The following AFG1L variants were observed in gnomAD, a reference collection of about 807,000 sequenced individuals.
AFG1L encodes the protein AFG1 like ATPase.
A neutral mutation model predicts 62.2 loss-of-function variants in AFG1L; 53 were observed. The observed-to-expected ratio is 0.85, with a 90% CI of 0.68 to 1.07. The LOEUF is 1.07. Among genes scored for constraint, AFG1L ranks in the 50% least tolerant of loss-of-function variants. AFG1L has a pLI of 0.00. For synonymous variants in AFG1L, 228 were observed against 210.3 expected (o/e 1.08, Z -0.73); for missense variants, 555 against 590.5 (o/e 0.94, Z 0.62).
chr6:108,323,713 C>T (rs749502662), intron 1 of AFG1L, 112 bp from the exon 2 acceptor site: 6 of 682,310 alleles, frequency 8.8e-6, no homozygotes, highest in Non-Finnish European at 1.2e-5. Context: ...AAAACTGCTC[C>T]AATAGATATA....
At chr6:108,417,819 A>G (rs1002553570) in intron 7 of AFG1L, among the ~76,000 whole-genome samples, 8 of 152,018 alleles carry the variant, frequency 5.3e-5, no homozygotes, top group Non-Finnish European at 1.0e-4. Flanking sequence ...GAACAAATAT[A>G]ATTGTTTTAT....
chr6:108,400,446 A>G (rs1582520465), intron 6 of AFG1L, among the ~76,000 whole-genome samples: 4 of 150,470 alleles, frequency 2.7e-5, no homozygotes, highest in South Asian at 2.1e-4. Context: ...AATTGAAATT[A>G]TTATATGGTT....
chr6:108,463,409 CTTT>C lies in AFG1L; in HGVS notation c.891-13443_891-13441del, dbSNP rs34658383. 2.5e-4 allele frequency among the ~76,000 whole-genome samples: 34 copies of C among 135,682 alleles called. No individual in the cohort carries two copies. In the South Asian group the frequency reaches 5.0e-3, roughly 20 times the overall value. The allele number at this position is 135,682 out of a possible 152,430, so 89.0% of individuals were successfully genotyped here. ...TTTACTCTCCAACTTCTTCTCCCTC[CTTT>C]TTTTTTTTTTTTGAAATCTTCAATC... On this transcript the variant is annotated intron_variant, in intron 8 of 12. Transcript: ENST00000368977.
At chr6:108,467,032 A>G (rs1219192756) in intron 8 of AFG1L, among the ~76,000 whole-genome samples, 1 of 152,016 alleles carries the variant, frequency 6.6e-6, no homozygotes, top group African/African-American at 2.4e-5. Flanking sequence ...ATGAGCTTAT[A>G]TGAAGCAATA....
At chr6:108,447,095 CATT>C in intron 7 of AFG1L, 116 bp from the exon 8 acceptor site, 1 of 457,094 alleles carries the variant, frequency 2.2e-6, no homozygotes, top group South Asian at 5.6e-5. Context: ...CTTGTCATCT[CATT>C]ATATTAGTTT....
intron 11 of AFG1L, among the ~76,000 whole-genome samples, chr6:108,510,893 A>T (rs1335101475): frequency 1.3e-5 from 2 of 152,146 alleles, no homozygotes; most frequent in Non-Finnish European, 2.9e-5. Flanking sequence ...CCTGGACAAC[A>T]TAGCAAAATC....
At chr6:108,348,701 T>G (rs1387359666) in intron 3 of AFG1L, among the ~76,000 whole-genome samples, 2 of 152,238 alleles carry the variant, frequency 1.3e-5, no homozygotes, top group African/African-American at 2.4e-5. Flanking sequence ...CAATTTTATG[T>G]TCCTGCACCT....
chr6:108,415,759 C>G (rs1770233589), intron 7 of AFG1L, among the ~76,000 whole-genome samples: 1 of 152,186 alleles, frequency 6.6e-6, no homozygotes, highest in Admixed American at 6.5e-5. Context: ...ACACCTTATA[C>G]AACAATTAAT....
intron 8 of AFG1L, among the ~76,000 whole-genome samples, chr6:108,463,598 G>A (rs1032304999): frequency 1.3e-5 from 2 of 151,996 alleles, no homozygotes; most frequent in African/African-American, 4.8e-5. Flanking sequence ...AGGAGGTGAA[G>A]GTCTGGAATT....
chr6:108,403,314 A>G (rs1781710906), intron 7 of AFG1L, among the ~76,000 whole-genome samples: 1 of 152,176 alleles, frequency 6.6e-6, no homozygotes, highest in African/African-American at 2.4e-5. Flanking sequence ...TTCTTACCCA[A>G]GAAGGGTTAA....
At chr6:108,512,608 A>T (rs1006749889) in intron 11 of AFG1L, among the ~76,000 whole-genome samples, 9 of 152,190 alleles carry the variant, frequency 5.9e-5, no homozygotes, top group Middle Eastern at 6.8e-3. Context: ...GAGGATGGAG[A>T]GACTCGTTAT....
intron 10 of AFG1L, among the ~76,000 whole-genome samples, chr6:108,491,044 T>A (rs1193713984): frequency 2.6e-5 from 4 of 152,234 alleles, no homozygotes; most frequent in Non-Finnish European, 5.9e-5. Flanking sequence ...TAGCATGGAT[T>A]TATTTATGTC....
chr6:108,417,266 GCACA>G lies in AFG1L; in HGVS notation c.807+15231_807+15234del, dbSNP rs149498434. Among the ~76,000 whole-genome samples, 44 of 136,326 alleles carry G rather than the reference GCACA, an allele frequency of 3.2e-4. 1 individual carries two copies. The highest frequency in any genetic ancestry group is 7.1e-4 in the South Asian group (3 of 4,196). The allele number at this position is 136,326 out of a possible 152,430, so 89.4% of individuals were successfully genotyped here. Reference sequence around the variant, plus strand: ...CACACACACACACACACACAGACACGCACACACACACACACACACACAAAAAAAA... The same window carrying G: ...CACACACACACACACACACAGACACGCACACACACACACACACAAAAAAAA... On this transcript the variant is annotated intron_variant, in intron 7 of 12. Transcript: ENST00000368977.
chr6:108,447,299 A>C lies in AFG1L; in HGVS notation c.890+3A>C. 6.5e-7 allele frequency: 1 copy of C among 1,548,146 alleles called. No individual in the cohort carries two copies. Among genetic ancestry groups the C allele is most frequent in the East Asian group, 2.3e-5 (1 of 44,350 alleles). On this transcript the variant is annotated splice_donor_region_variant and intron_variant, in intron 8 of 12. Coordinates refer to ENST00000368977, the MANE Select transcript of AFG1L (RefSeq NM_145315.5). Reference sequence around the variant, plus strand: ...GCTGCAGGAAAACTCTACTACCTGTAAGTGTTTCTAATTTTTAAAGTTTAA... The same window carrying C: ...GCTGCAGGAAAACTCTACTACCTGTCAGTGTTTCTAATTTTTAAAGTTTAA...
intron 2 of AFG1L, among the ~76,000 whole-genome samples, chr6:108,345,273 C>A (rs968207656): frequency 2.0e-5 from 3 of 151,858 alleles, no homozygotes; most frequent in East Asian, 1.9e-4. Flanking sequence ...GAGACAATTT[C>A]TTTCTCCCAC....
chr6:108,297,647 G>C (rs551490277), intron 1 of AFG1L, among the ~76,000 whole-genome samples: 1 of 151,712 alleles, frequency 6.6e-6, no homozygotes, highest in Admixed American at 6.6e-5. Context: ...TTGAGCTCAG[G>C]AGTTTGAGAC....
intron 8 of AFG1L, among the ~76,000 whole-genome samples, chr6:108,472,486 T>G (rs1301913514): frequency 6.6e-6 from 1 of 152,214 alleles, no homozygotes; most frequent in East Asian, 1.9e-4. Context: ...CATCATGTAG[T>G]ACACCTTAAT....
At chr6:108,334,539 T>C (rs1025902783) in intron 2 of AFG1L, among the ~76,000 whole-genome samples, 1 of 118,820 alleles carries the variant, frequency 8.4e-6, no homozygotes, top group Non-Finnish European at 2.0e-5. Flanking sequence ...AAAATAAAAA[T>C]TAAAAAATTA....
intron 6 of AFG1L, among the ~76,000 whole-genome samples, chr6:108,368,716 C>T (rs1379851052): frequency 1.3e-5 from 2 of 152,098 alleles, no homozygotes; most frequent in Non-Finnish European, 2.9e-5. Context: ...TAGCAAAGAG[C>T]TAGAACAATT....
Sources: gnomAD v4.1 joint callset for allele counts (sites outside exome capture counted in the v4.1 genomes callset) on GRCh38, gnomAD v4.1.1 for gene constraint, MANE v1.5 for transcripts, NCBI Gene and HGNC (gene_info 2026-07-23, HGNC 2026-07-21) for gene names.